The following PRKG1 variants were observed in gnomAD, a reference collection of about 807,000 sequenced individuals.
The protein encoded by PRKG1 is protein kinase cGMP-dependent 1.
In PRKG1, 35 loss-of-function variants were observed where a neutral mutation model predicts 88.1. The ratio of observed to expected loss-of-function variants is 0.40; its 90% CI spans 0.30 to 0.53. The LOEUF (loss-of-function observed/expected upper bound fraction) is 0.53, where lower values mean the gene tolerates loss of function less well. Ranked by LOEUF, PRKG1 falls within the 20% of genes least tolerant of loss-of-function variation. The pLI, the probability that PRKG1 is intolerant of heterozygous loss-of-function variation, is 0.59. For synonymous variants in PRKG1, 303 were observed against 292.5 expected (o/e 1.04, Z -0.37); for missense variants, 540 against 839.8 (o/e 0.64, Z 4.41).
chr10:51,627,993 TC>T (rs1564579785), intron 3 of PRKG1, among the ~76,000 whole-genome samples: 423 of 23,274 alleles, frequency 0.018, 7 homozygotes, highest in African/African-American at 0.041. Context: ...TCTTTCTTTC[TC>T]TCTCTCTCTC....
chr10:51,594,073 G>A (rs912420486), intron 3 of PRKG1, among the ~76,000 whole-genome samples: 1 of 152,008 alleles, frequency 6.6e-6, no homozygotes, highest in East Asian at 1.9e-4. Flanking sequence ...TGGCTAGGCT[G>A]TGAGACAGTA....
chr10:51,853,934 T>A (rs1033186158), intron 4 of PRKG1, among the ~76,000 whole-genome samples: 75 of 152,174 alleles, frequency 4.9e-4, no homozygotes, highest in African/African-American at 1.7e-3. Context: ...TGTTTTTTTT[T>A]AATTGTTCAA....
chr10:52,096,003 GC>G lies in PRKG1; in HGVS notation c.935+33373del, dbSNP rs999524225. ...CCCTGGGAAGTGAGCAGTCTGTAAG[GC>G]AGGCAATTAAGTGAGGAGTCTGTGA... is the stretch of plus-strand genomic sequence containing the variant. On this transcript the variant is annotated intron_variant, in intron 7 of 17. Coordinates refer to ENST00000373980, the MANE Select transcript of PRKG1 (RefSeq NM_006258.4). Among the ~76,000 whole-genome samples the G allele has an allele frequency of 1.5e-4, 23 of 152,264 alleles. 1 individual carries two copies. In the East Asian group the frequency reaches 1.7e-3, roughly 12 times the overall value.
At chr10:51,105,022 A>G (rs565832194) in intron 1 of PRKG1, among the ~76,000 whole-genome samples, 1 of 152,120 alleles carries the variant, frequency 6.6e-6, no homozygotes, top group South Asian at 2.1e-4. Context: ...GGGCCACCGC[A>G]CCCAGCCCTG....
At chr10:51,191,879 A>G (rs1195137255) in intron 2 of PRKG1, among the ~76,000 whole-genome samples, 1 of 151,810 alleles carries the variant, frequency 6.6e-6, no homozygotes, top group Non-Finnish European at 1.5e-5. Context: ...CCTTCCTACT[A>G]GAATTTTGGA....
chr10:50,996,774 A>G (rs1038369153), intron 1 of PRKG1, among the ~76,000 whole-genome samples: 7 of 152,176 alleles, frequency 4.6e-5, no homozygotes, highest in East Asian at 1.9e-4. Flanking sequence ...CTTTCCCACC[A>G]TCAACATGGA....
chr10:51,674,188 A>C (rs1435777437), intron 3 of PRKG1, among the ~76,000 whole-genome samples: 2 of 151,990 alleles, frequency 1.3e-5, no homozygotes, highest in Non-Finnish European at 2.9e-5. Context: ...TTTTTATTAT[A>C]CTTTAAGTTC....
At chr10:51,123,538 T>A (rs1845316805) in intron 1 of PRKG1, among the ~76,000 whole-genome samples, 1 of 151,786 alleles carries the variant, frequency 6.6e-6, no homozygotes, top group Admixed American at 6.6e-5. Flanking sequence ...ATACAAAAAT[T>A]AGCCAGGCGT....
intron 3 of PRKG1, among the ~76,000 whole-genome samples, chr10:51,587,607 T>C (rs546234675): frequency 6.6e-6 from 1 of 152,310 alleles, no homozygotes; most frequent in South Asian, 2.1e-4. Context: ...TTAAATATTG[T>C]ATAGCTTCAC....
chr10:51,234,821 C>T (rs1838940317), intron 2 of PRKG1, among the ~76,000 whole-genome samples: 1 of 151,960 alleles, frequency 6.6e-6, no homozygotes, highest in African/African-American at 2.4e-5. Context: ...AAATATTTCA[C>T]CGAAAACAAA....
At chr10:51,158,589 A>C (rs1253705131) in intron 2 of PRKG1, among the ~76,000 whole-genome samples, 1 of 152,016 alleles carries the variant, frequency 6.6e-6, no homozygotes, top group Non-Finnish European at 1.5e-5. Context: ...CATCCTTTGA[A>C]TATTAAACTT....
At chr10:52,088,877 C>A (rs921876171) in intron 7 of PRKG1, among the ~76,000 whole-genome samples, 1 of 152,110 alleles carries the variant, frequency 6.6e-6, no homozygotes, top group Admixed American at 6.5e-5. Flanking sequence ...TGCACACTGA[C>A]CCTCCTAATC....
At chr10:51,830,044 A>G (rs1306363190) in intron 4 of PRKG1, among the ~76,000 whole-genome samples, 1 of 152,114 alleles carries the variant, frequency 6.6e-6, no homozygotes, top group African/African-American at 2.4e-5. Context: ...TAATACCTAT[A>G]TTTACATGGT....
At chr10:51,632,917 C>A (rs539208096) in intron 3 of PRKG1, among the ~76,000 whole-genome samples, 4 of 152,230 alleles carry the variant, frequency 2.6e-5, no homozygotes, top group Admixed American at 2.0e-4. Flanking sequence ...ATGCTTTGAG[C>A]CCTTAGTATT....
chr10:51,350,809 A>C (rs1377191901), intron 2 of PRKG1, among the ~76,000 whole-genome samples: 1 of 152,194 alleles, frequency 6.6e-6, no homozygotes, highest in African/African-American at 2.4e-5. Flanking sequence ...ATACATGTGC[A>C]GAACGTGCAG....
At chr10:51,568,721 GC>G (rs1723835860) in intron 3 of PRKG1, 2 of 151,548 alleles carry the variant, frequency 1.3e-5, no homozygotes, top group Admixed American at 1.3e-4. Flanking sequence ...AACTTCCAGA[GC>G]AGTATAAGAA....
intron 3 of PRKG1, among the ~76,000 whole-genome samples, chr10:51,648,015 G>T (rs1839955019): frequency 7.3e-6 from 1 of 137,910 alleles, no homozygotes; most frequent in Non-Finnish European, 1.6e-5. Context: ...TATAATTTAA[G>T]AAATTACATT....
intron 2 of PRKG1, among the ~76,000 whole-genome samples, chr10:51,275,367 C>CT (rs149676207): frequency 0.017 from 2,559 of 152,202 alleles, 73 homozygotes; most frequent in African/African-American, 0.058. Context: ...GTTCATAAAA[C>CT]TTTTTTCTAT....
chr10:51,446,396 G>C (rs989768996), intron 2 of PRKG1, among the ~76,000 whole-genome samples: 1 of 151,824 alleles, frequency 6.6e-6, no homozygotes, highest in Non-Finnish European at 1.5e-5. Context: ...AGGAATTCTT[G>C]ATCTATTTCT....
Sources: allele counts gnomAD v4.1 joint callset (sites outside exome capture counted in the v4.1 genomes callset), GRCh38; gene constraint gnomAD v4.1.1; transcripts MANE v1.5; gene names NCBI Gene and HGNC (gene_info 2026-07-23, HGNC 2026-07-21).